The following DPYSL3 variants were observed in gnomAD, a reference collection of about 807,000 sequenced individuals.
DPYSL3 encodes dihydropyrimidinase-related protein 3.
DPYSL3 carries 16 observed loss-of-function variants against 66.1 expected under a neutral mutation model. The observed-to-expected ratio is 0.24, with a 90% CI of 0.16 to 0.37. The LOEUF (loss-of-function observed/expected upper bound fraction) is 0.37, where lower values mean the gene tolerates loss of function less well. DPYSL3 is among the 10% of genes least tolerant of loss of function. The probability of loss-of-function intolerance (pLI) is 1.00; values close to 1 mark genes in which losing one functional copy is unlikely to be tolerated. For missense variants in DPYSL3, 738 were observed against 916.2 expected (o/e 0.81, Z 2.51); for synonymous variants, 338 against 345.1 (o/e 0.98, Z 0.23).
intron 1 of DPYSL3, among the ~76,000 whole-genome samples, chr5:147,492,399 T>A (rs1021897938): frequency 6.6e-6 from 1 of 152,112 alleles, no homozygotes; most frequent in African/African-American, 2.4e-5. Flanking sequence ...TTTCCTATTC[T>A]TAATGTATCT....
chr5:147,482,825 G>A (rs1262886072), intron 1 of DPYSL3, among the ~76,000 whole-genome samples: 1 of 152,176 alleles, frequency 6.6e-6, no homozygotes, highest in Non-Finnish European at 1.5e-5. Flanking sequence ...TCACAGTTCT[G>A]CATGGCTGGG....
intron 5 of DPYSL3, 109 bp from the exon 6 acceptor site, chr5:147,412,797 TAA>T: frequency 1.1e-6 from 1 of 937,978 alleles, no homozygotes; most frequent in South Asian, 1.4e-5. Context: ...GCAGAGGAAA[TAA>T]GTCACTAGGG....
chr5:147,504,542 A>G (rs1424411803), intron 1 of DPYSL3, among the ~76,000 whole-genome samples: 1 of 152,222 alleles, frequency 6.6e-6, no homozygotes, highest in Non-Finnish European at 1.5e-5. Context: ...ATAGCTAGTG[A>G]GGCCTTTATA....
At chr5:147,415,896 G>T in intron 3 of DPYSL3, 23 bp from the exon 4 acceptor site, 3 of 1,610,956 alleles carry the variant, frequency 1.9e-6, no homozygotes, top group Non-Finnish European at 1.7e-6. Context: ...GACCCCAGAT[G>T]AGTCACTCTC....
rs781130845 is a variant in DPYSL3, at chr5:147,395,637, C to A, written c.1888G>T (p.Ala630Ser). 6.2e-6 allele frequency: 10 copies of A among 1,613,914 alleles called. No individual in the cohort carries two copies. In the African/African-American group the frequency reaches 9.3e-5, roughly 15 times the overall value. Residue 630 changes from alanine to serine, a missense_variant, in exon 13 of 14, where the codon GCA becomes TCA. By Grantham distance (99) the Ala-to-Ser change is moderately conservative. Transcript: ENST00000343218. ...LTTTPKGGTP[A>S]GSARGSPTRP... ...GTAGGAGAGCCCCGAGCAGAGCCTG[C>A]GGGGGTGCCACCTTTGGGGGTGGTG...
chr5:147,503,201 T>A (rs2126462005), intron 1 of DPYSL3, among the ~76,000 whole-genome samples: 1 of 152,324 alleles, frequency 6.6e-6, no homozygotes, highest in African/African-American at 2.4e-5. Flanking sequence ...CCCAATTTGT[T>A]GGACAAGACA....
intron 1 of DPYSL3, among the ~76,000 whole-genome samples, chr5:147,498,059 T>C (rs369366920): frequency 1.2e-4 from 18 of 151,888 alleles, no homozygotes; most frequent in African/African-American, 3.9e-4. Context: ...ACTCATTAGT[T>C]ATCTTTTCCC....
intron 1 of DPYSL3, among the ~76,000 whole-genome samples, chr5:147,487,582 T>G (rs1337497620): frequency 6.6e-6 from 1 of 152,216 alleles, no homozygotes; most frequent in African/African-American, 2.4e-5. Flanking sequence ...CACCACCTGT[T>G]TTTTTGTTTG....
chr5:147,415,437 A>G (rs1751943952), intron 4 of DPYSL3, among the ~76,000 whole-genome samples: 1 of 152,162 alleles, frequency 6.6e-6, no homozygotes, highest in Admixed American at 6.5e-5. Context: ...GAATTTGGAT[A>G]CACCTACTGC....
In DPYSL3 at chr5:147,402,627, G is replaced by A. The variant is rs773987171; in HGVS notation, c.1154-931C>T. ...CTCCCAAAGTGCTGGGATTACAGGC[G>A]TGAGCCACCGCGCCCGGCCTATGAC... On this transcript the variant is annotated intron_variant, in intron 8 of 13. Transcript: ENST00000343218. Among the ~76,000 whole-genome samples, 6 of 135,606 alleles carry A rather than the reference G, an allele frequency of 4.4e-5. 1 individual carries two copies. Among genetic ancestry groups the A allele is most frequent in the African/African-American group, 1.1e-4 (3 of 26,334 alleles). The allele number at this position is 135,606 out of a possible 152,430, so 89.0% of individuals were successfully genotyped here.
At chr5:147,404,884 A>T (rs905210874) in intron 8 of DPYSL3, among the ~76,000 whole-genome samples, 13 of 152,158 alleles carry the variant, frequency 8.5e-5, no homozygotes, top group African/African-American at 2.7e-4. Context: ...TGTGACCTGC[A>T]TCTGCACTGT....
intron 12 of DPYSL3, among the ~76,000 whole-genome samples, chr5:147,396,909 C>T (rs561192015): frequency 6.8e-6 from 1 of 146,886 alleles, no homozygotes; most frequent in Admixed American, 6.9e-5. Flanking sequence ...AAGTATAATA[C>T]AATAAATACA....
At chr5:147,493,893 A>C (rs993702104) in intron 1 of DPYSL3, among the ~76,000 whole-genome samples, 1 of 152,212 alleles carries the variant, frequency 6.6e-6, no homozygotes, top group African/African-American at 2.4e-5. Flanking sequence ...AAATACGTGG[A>C]TATTAAACAA....
chr5:147,434,528 T>C (rs1355416541), intron 1 of DPYSL3, among the ~76,000 whole-genome samples: 1 of 152,198 alleles, frequency 6.6e-6, no homozygotes, highest in Non-Finnish European at 1.5e-5. Flanking sequence ...CCTAAGTCTT[T>C]ATTCTAAGGG....
intron 1 of DPYSL3, among the ~76,000 whole-genome samples, chr5:147,505,662 T>A (rs187708171): frequency 6.6e-6 from 1 of 152,354 alleles, no homozygotes; most frequent in Non-Finnish European, 1.5e-5. Context: ...CATATTTTGA[T>A]TTTACCAAGA....
intron 2 of DPYSL3, among the ~76,000 whole-genome samples, chr5:147,420,791 G>C (rs77334806): frequency 0.019 from 2,958 of 152,220 alleles, 105 homozygotes; most frequent in African/African-American, 0.068. Context: ...CAACATCCTT[G>C]GCAAGTGGCC....
At chr5:147,395,117 A>T (rs1161031520) in intron 13 of DPYSL3, among the ~76,000 whole-genome samples, 1 of 152,252 alleles carries the variant, frequency 6.6e-6, no homozygotes, top group Non-Finnish European at 1.5e-5. Flanking sequence ...TAGGAATGGG[A>T]GAATATAATA....
In DPYSL3 at chr5:147,413,650, G is replaced by C. The variant is rs1461179400; in HGVS notation, c.828C>G (p.Asn276Lys). ...VQNLIKDKGV[N>K]SFMVYMAYKD... is the part of the protein sequence containing the mutation. ...TATAAGCCATATAAACCATGAAGGA[G>C]TTAACCCCTGCAAAAGAGGGACAGG... Residue 276 changes from asparagine to lysine, a missense_variant, in exon 5 of 14, where the codon AAC becomes AAG. By Grantham distance (94) the Asn-to-Lys change is moderately conservative (BLOSUM62 0). Coordinates refer to ENST00000343218, the MANE Select transcript of DPYSL3 (RefSeq NM_001197294.2). 3 of 1,612,000 alleles carry C rather than the reference G, an allele frequency of 1.9e-6. No homozygotes were observed. The East Asian group carries it at 6.7e-5, about 36-fold the overall frequency.
Position 147,431,084 on chromosome 5 carries a change from T to G in DPYSL3, c.382-6121A>C, listed in dbSNP as rs1752307072. 2.0e-5 allele frequency among the ~76,000 whole-genome samples: 3 copies of G among 152,284 alleles called. No homozygotes were observed. In the South Asian group the frequency reaches 6.2e-4, roughly 32 times the overall value. On this transcript the variant is annotated intron_variant, in intron 1 of 13. Transcript: ENST00000343218. The stretch of plus-strand genomic sequence containing the variant: ...GTGGTTATTTAAAATAAATTCCCAT[T>G]TGGGCAATTAGATTTGATTTCCTAA...
Sources: gnomAD v4.1 joint callset for allele counts (sites outside exome capture counted in the v4.1 genomes callset) on GRCh38, gnomAD v4.1.1 for gene constraint, MANE v1.5 for transcripts, NCBI Gene and HGNC (gene_info 2026-07-23, HGNC 2026-07-21) for gene names.